PYROXD2: variants seen among roughly 807,000 people sequenced by gnomAD.
PYROXD2 encodes the protein pyridine nucleotide-disulphide oxidoreductase domain 2.
Under a neutral mutation model 71.1 loss-of-function variants are expected in PYROXD2, and 69 were observed. The ratio of observed to expected loss-of-function variants is 0.97; its 90% CI spans 0.80 to 1.19. The LOEUF is 1.19. Ranked by LOEUF, PYROXD2 falls within the 50% of genes most tolerant of loss-of-function variation. The probability of loss-of-function intolerance (pLI) is 0.00; values close to 1 mark genes in which losing one functional copy is unlikely to be tolerated. For synonymous variants in PYROXD2, 287 were observed against 302.7 expected, an observed-to-expected ratio of 0.95 and a Z score of 0.54; for missense variants, 745 against 748.9, an observed-to-expected ratio of 0.99 and a Z score of 0.06.
intron 5 of PYROXD2, among the ~76,000 whole-genome samples, chr10:98,397,816 G>A (rs1376071777): frequency 6.6e-6 from 1 of 151,990 alleles, no homozygotes; most frequent in Non-Finnish European, 1.5e-5. Flanking sequence ...ACAATCCTAG[G>A]GTGTGGTCTC....
intron 2 of PYROXD2, among the ~76,000 whole-genome samples, chr10:98,408,765 C>T (rs1457279111): frequency 6.6e-6 from 1 of 152,220 alleles, no homozygotes; most frequent in South Asian, 2.1e-4. Flanking sequence ...CCTGTGACCA[C>T]AGGAATGGTG....
chr10:98,385,322 G>A (rs1392012925), intron 14 of PYROXD2, among the ~76,000 whole-genome samples: 2 of 152,240 alleles, frequency 1.3e-5, no homozygotes, highest in Non-Finnish European at 2.9e-5. Context: ...AAGGAAAAGA[G>A]GGTTTTGCTC....
rs149406474 is a variant in PYROXD2, at chr10:98,392,958, C to T, written c.911G>A (p.Ser304Asn). The T allele has an allele frequency of 6.2e-7, 1 of 1,613,920 alleles. No individual in the cohort carries two copies. The highest frequency in any genetic ancestry group is 8.5e-7 in the Non-Finnish European group (1 of 1,179,886). The change falls in exon 9 of 16, where the codon AGC (serine) becomes AAC (asparagine). Residue 304 changes from serine to asparagine, a missense_variant. Transcript: ENST00000370575. ...GCCGTTCACCTTTTCAGTGAAGATG[C>T]TTGCTCCATGTGTGGTGGCTGAGCT... ...IASSATTHGA[S>N]IFTEKTVAKV... is the part of the protein sequence containing the mutation.
chr10:98,387,054 C>T (rs1842777194), intron 14 of PYROXD2, 147 bp downstream of exon 14: 1 of 586,968 alleles, frequency 1.7e-6, no homozygotes. Flanking sequence ...GCTTCTCTGC[C>T]CTCTCTCAGC....
chr10:98,403,511 C>T (rs1843492175), intron 4 of PYROXD2, among the ~76,000 whole-genome samples: 1 of 152,186 alleles, frequency 6.6e-6, no homozygotes, highest in Non-Finnish European at 1.5e-5. Flanking sequence ...AAATGCAGTC[C>T]TGCCCCTCCC....
intron 4 of PYROXD2, among the ~76,000 whole-genome samples, chr10:98,403,388 G>A (rs974565098): frequency 1.3e-5 from 2 of 152,190 alleles, no homozygotes; most frequent in African/African-American, 4.8e-5. Context: ...ACCCCCTCCT[G>A]TTTCCTCCGA....
At chr10:98,389,883 AAT>A (rs1219734855) in intron 12 of PYROXD2, among the ~76,000 whole-genome samples, 1 of 152,182 alleles carries the variant, frequency 6.6e-6, no homozygotes, top group Non-Finnish European at 1.5e-5. Context: ...CCTGGCACAG[AAT>A]AGAGACCCCA....
In PYROXD2 at chr10:98,390,046, C is replaced by T. The variant is rs191903535; in HGVS notation, c.1292+552G>A. Among the ~76,000 whole-genome samples the T allele has an allele frequency of 1.7e-3, 260 of 151,634 alleles. 1 individual carries two copies. The highest frequency in any genetic ancestry group is 3.1e-4 in the Non-Finnish European group (21 of 67,794). On this transcript the variant is annotated intron_variant, in intron 12 of 15. Coordinates refer to ENST00000370575, the MANE Select transcript of PYROXD2 (RefSeq NM_032709.3). ...CCCTGCCCCGCTAATTCTCCCAGCC[C>T]ATACCCAGTACAGAGTCCAGCACTG...
chr10:98,388,117 C>A (rs77461094), intron 13 of PYROXD2: 3 of 539,826 alleles, frequency 5.6e-6, no homozygotes, highest in Non-Finnish European at 1.0e-5. Context: ...TAGTCTCCTC[C>A]ATCCCTTGCT....
chr10:98,395,276 G>A lies in PYROXD2; in HGVS notation c.705C>T (p.Phe235=), dbSNP rs200279130. 6.2e-6 allele frequency: 10 copies of A among 1,614,116 alleles called. No individual in the cohort carries two copies. The highest frequency in any genetic ancestry group is 4.4e-5 in the South Asian group (4 of 91,072). The stretch of plus-strand genomic sequence containing the variant: ...GAGTGGCTTTTAAAGGCTCAGACTC[G>A]AACCACTGATCCAGCACCTGGACAG... ...APITKVLDQW[F]ESEPLKATLA... is the part of the protein sequence containing the mutation. The change falls in exon 8 of 16, where the codon TTC becomes TTT. Residue 235 remains phenylalanine (F), a synonymous_variant. Transcript: ENST00000370575.
chr10:98,403,566 C>T (rs570138821), intron 4 of PYROXD2, among the ~76,000 whole-genome samples: 2 of 152,334 alleles, frequency 1.3e-5, no homozygotes, highest in East Asian at 3.9e-4. Context: ...TCCACACTGA[C>T]CTGCCCTCTG....
At chr10:98,393,542 T>A (rs571737027) in intron 8 of PYROXD2, among the ~76,000 whole-genome samples, 2 of 152,190 alleles carry the variant, frequency 1.3e-5, no homozygotes, top group East Asian at 1.9e-4. Context: ...ACCGCTACCA[T>A]CCTTCCCCAT....
intron 8 of PYROXD2, among the ~76,000 whole-genome samples, 165 bp from the exon 9 acceptor site, chr10:98,393,248 C>T (rs559056483): frequency 5.7e-4 from 87 of 152,244 alleles, no homozygotes; most frequent in African/African-American, 2.0e-3. Context: ...GAGCCCTTTG[C>T]CTTCTCTACA....
chr10:98,407,732 G>T (rs7091545), intron 3 of PYROXD2, 77 bp from the exon 4 acceptor site: 1 of 1,284,036 alleles, frequency 7.8e-7, no homozygotes, highest in African/African-American at 2.4e-5. Context: ...AGCAGGGATG[G>T]AGACCGTCAC....
chr10:98,396,102 G>C (rs1843165882), intron 6 of PYROXD2, among the ~76,000 whole-genome samples: 1 of 152,156 alleles, frequency 6.6e-6, no homozygotes, highest in Non-Finnish European at 1.5e-5. Context: ...GATTCCACTG[G>C]CTCCATACTC....
In PYROXD2 at chr10:98,392,577, C is replaced by A; in HGVS notation, c.928-11G>T. 1 of 1,609,044 alleles carries A rather than the reference C, an allele frequency of 6.2e-7. No homozygotes were observed. Among genetic ancestry groups the A allele is most frequent in the South Asian group, 1.1e-5 (1 of 90,974 alleles). On this transcript the variant is annotated splice_polypyrimidine_tract_variant and intron_variant, in intron 9 of 15. Transcript: ENST00000370575. ...CACCTTCGCCACTGTCTAGAGCCCACCAGAACAAGGCCCCAGAAACCGCAG... is the reference window on the plus strand; with the variant it reads ...CACCTTCGCCACTGTCTAGAGCCCAACAGAACAAGGCCCCAGAAACCGCAG...
intron 2 of PYROXD2, among the ~76,000 whole-genome samples, chr10:98,408,292 C>T (rs761077466): frequency 4.6e-5 from 7 of 152,212 alleles, no homozygotes; most frequent in Non-Finnish European, 8.8e-5. Flanking sequence ...CGGGGACTCA[C>T]GCTGCTTCCT....
chr10:98,384,869 C>T, intron 15 of PYROXD2, 78 bp downstream of exon 15: 1 of 1,485,460 alleles, frequency 6.7e-7, no homozygotes, highest in Non-Finnish European at 8.9e-7. Context: ...CATTGCTTAA[C>T]TTCCTCCTTC....
chr10:98,385,190 G>T, intron 14 of PYROXD2, 123 bp from the exon 15 acceptor site: 2 of 1,349,970 alleles, frequency 1.5e-6, no homozygotes, highest in Non-Finnish European at 2.0e-6. Flanking sequence ...ATTTTCTTGG[G>T]TTTTAAAATG....
Sources: allele counts gnomAD v4.1 joint callset (sites outside exome capture counted in the v4.1 genomes callset), GRCh38; gene constraint gnomAD v4.1.1; transcripts MANE v1.5; gene names NCBI Gene and HGNC (gene_info 2026-07-23, HGNC 2026-07-21).